CDADC1: variants seen among roughly 807,000 people sequenced by gnomAD.
CDADC1 encodes the protein dCTP deaminase.
In CDADC1, 39 loss-of-function variants were observed where a neutral mutation model predicts 54.9. That is an observed-to-expected ratio of 0.71 (90% CI 0.55 to 0.93). CDADC1 has a LOEUF of 0.93. Among genes scored for constraint, CDADC1 ranks in the 40% least tolerant of loss-of-function variants. CDADC1 has a pLI of 0.00. For synonymous variants in CDADC1, 186 were observed against 204.0 expected, an observed-to-expected ratio of 0.91 and a Z score of 0.75; for missense variants, 518 against 618.8, an observed-to-expected ratio of 0.84 and a Z score of 1.73.
At chr13:49,249,638 GC>G (rs1952379240) in intron 2 of CDADC1, among the ~76,000 whole-genome samples, 3 of 152,074 alleles carry the variant, frequency 2.0e-5, no homozygotes, top group Admixed American at 2.0e-4. Flanking sequence ...GGAGGCTGAG[GC>G]ATGAGAATCG....
At chr13:49,289,120 CTTTTTTTTTTTT>C (rs66814830) in intron 9 of CDADC1, among the ~76,000 whole-genome samples, 1 of 60,990 alleles carries the variant, frequency 1.6e-5, no homozygotes, top group South Asian at 8.3e-4. Flanking sequence ...TTTTTTTTTG[CTTTTTTTTTTTT>C]TTTTTTTTTT....
chr13:49,275,271 A>T (rs1350013837), intron 6 of CDADC1, among the ~76,000 whole-genome samples: 1 of 151,768 alleles, frequency 6.6e-6, no homozygotes, highest in African/African-American at 2.4e-5. Context: ...TTTTTAGTAG[A>T]GATGGGATTT....
chr13:49,260,934 C>T (rs375959615), intron 4 of CDADC1, among the ~76,000 whole-genome samples: 67 of 151,990 alleles, frequency 4.4e-4, no homozygotes, highest in African/African-American at 1.5e-3. Flanking sequence ...GATCTTGATG[C>T]GTCATAGGTA....
At chr13:49,275,787 A>G (rs1012214268) in intron 6 of CDADC1, among the ~76,000 whole-genome samples, 4 of 88,506 alleles carry the variant, frequency 4.5e-5, no homozygotes, top group African/African-American at 8.6e-5. Context: ...AGAGAGAGAG[A>G]GAGAGAGAGT....
intron 4 of CDADC1, among the ~76,000 whole-genome samples, chr13:49,264,140 T>C (rs1952753914): frequency 6.6e-6 from 1 of 152,254 alleles, no homozygotes; most frequent in Admixed American, 6.5e-5. Context: ...CCAAATATTT[T>C]AGCTTGTAAC....
intron 7 of CDADC1, among the ~76,000 whole-genome samples, chr13:49,280,152 A>G (rs1210657138): frequency 6.6e-6 from 1 of 152,222 alleles, no homozygotes; most frequent in Non-Finnish European, 1.5e-5. Flanking sequence ...ATCTAATTCC[A>G]GTATTCTAAA....
chr13:49,284,849 T>G (rs1953459963), intron 8 of CDADC1, among the ~76,000 whole-genome samples: 1 of 152,230 alleles, frequency 6.6e-6, no homozygotes, highest in Admixed American at 6.5e-5. Context: ...CATATTTGTG[T>G]CCTGAGATGG....
Position 49,292,557 on chromosome 13 carries a change from C to G in CDADC1, c.*800C>G. ...ATGCTGCTCCCCCATATAGTCTTCC[C>G]TTCTGTATAATTAACATAGGTTGTC... is the stretch of plus-strand genomic sequence containing the variant. On this transcript the variant is annotated 3_prime_UTR_variant, in exon 10 of 10. Transcript: ENST00000251108. The G allele has an allele frequency of 8.9e-7, 1 of 1,128,314 alleles. No homozygotes were observed. Among genetic ancestry groups the G allele is most frequent in the African/African-American group, 1.6e-5 (1 of 61,272 alleles). 69.9% of individuals were successfully genotyped at this position (1,128,314 alleles called of 1,614,324 possible).
chr13:49,257,758 T>C (rs568086072), intron 3 of CDADC1, among the ~76,000 whole-genome samples: 1 of 152,182 alleles, frequency 6.6e-6, no homozygotes, highest in Non-Finnish European at 1.5e-5. Flanking sequence ...TGAGACTGTC[T>C]CAAATCAATC....
intron 3 of CDADC1, among the ~76,000 whole-genome samples, 155 bp downstream of exon 3, chr13:49,256,068 TCC>T (rs1952539441): frequency 2.9e-5 from 1 of 34,496 alleles, no homozygotes; most frequent in South Asian, 2.5e-3. Context: ...TATATGTCAC[TCC>T]TTTTTTTTAA....
chr13:49,268,762 CAAT>C (rs1952890966), intron 5 of CDADC1, among the ~76,000 whole-genome samples: 1 of 152,092 alleles, frequency 6.6e-6, no homozygotes, highest in Non-Finnish European at 1.5e-5. Flanking sequence ...AAAATCTTTA[CAAT>C]AACATTAATT....
chr13:49,287,137 G>A (rs1953535907), intron 9 of CDADC1, among the ~76,000 whole-genome samples: 1 of 152,218 alleles, frequency 6.6e-6, no homozygotes, highest in Non-Finnish European at 1.5e-5. Context: ...TTTGCAGTGA[G>A]CCGAGATAGC....
chr13:49,274,770 C>G (rs74074516), intron 6 of CDADC1, among the ~76,000 whole-genome samples: 1,633 of 152,248 alleles, frequency 0.011, 23 homozygotes, highest in African/African-American at 0.037. Context: ...CGCATTCATT[C>G]AGCAAACATT....
chr13:49,269,468 A>G (rs1952909458), intron 5 of CDADC1, among the ~76,000 whole-genome samples: 2 of 152,202 alleles, frequency 1.3e-5, no homozygotes, highest in Admixed American at 6.5e-5. Context: ...TAATTGCTCA[A>G]TTCTTCTTAA....
intron 2 of CDADC1, among the ~76,000 whole-genome samples, chr13:49,253,836 C>T (rs1039521590): frequency 6.6e-6 from 1 of 152,142 alleles, no homozygotes; most frequent in Non-Finnish European, 1.5e-5. Flanking sequence ...CATGAGCCAC[C>T]GCACCTAGCC....
chr13:49,268,710 C>T (rs970727946), intron 5 of CDADC1, among the ~76,000 whole-genome samples: 8 of 152,124 alleles, frequency 5.3e-5, no homozygotes, highest in Admixed American at 2.0e-4. Flanking sequence ...TTTTTGTTAA[C>T]TCTTCAATAT....
chr13:49,280,674 G>A lies in CDADC1; in HGVS notation c.1386G>A (p.Glu462=), dbSNP rs762368020. The change falls in exon 8 of 10, where the codon GAG becomes GAA. Residue 462 remains glutamate (E), a synonymous_variant. Transcript: ENST00000251108. The stretch of plus-strand genomic sequence containing the variant: ...ACATCTCTTACATGAGGTTCGGGGA[G>A]CTTGAAGGTGTTAGCAAATTTACGG... ...KADISYMRFG[E]LEGVSKFTWQ... 5 of 1,576,844 alleles carry A rather than the reference G, an allele frequency of 3.2e-6. No homozygotes were observed. In the South Asian group the frequency reaches 5.9e-5, roughly 19 times the overall value.
intron 4 of CDADC1, among the ~76,000 whole-genome samples, chr13:49,264,555 C>A (rs1281356586): frequency 3.8e-4 from 39 of 103,836 alleles, no homozygotes; most frequent in Admixed American, 6.8e-4. Context: ...CCATCTCTAC[C>A]AAAAAAAAAA....
chr13:49,273,991 A>G (rs978419345), intron 5 of CDADC1, among the ~76,000 whole-genome samples: 3 of 152,154 alleles, frequency 2.0e-5, no homozygotes, highest in Non-Finnish European at 4.4e-5. Flanking sequence ...ATGAAGTTGC[A>G]CTTAGTTCTG....
Sources: gnomAD v4.1 joint callset for allele counts (sites outside exome capture counted in the v4.1 genomes callset) on GRCh38, gnomAD v4.1.1 for gene constraint, MANE v1.5 for transcripts, NCBI Gene and HGNC (gene_info 2026-07-23, HGNC 2026-07-21) for gene names.